ILRUN: variants seen among roughly 807,000 people sequenced by gnomAD.
ILRUN encodes the protein inflammation and lipid regulator with UBA-like and NBR1-like domains.
ILRUN carries 3 observed loss-of-function variants against 33.8 expected under a neutral mutation model. The ratio of observed to expected loss-of-function variants is 0.09; its 90% CI spans 0.04 to 0.23. The LOEUF is 0.23. Among genes scored for constraint, ILRUN ranks in the 10% least tolerant of loss-of-function variants. The pLI is 1.00. For synonymous variants in ILRUN, 124 were observed against 138.9 expected (o/e 0.89, Z 0.75); for missense variants, 210 against 375.1 (o/e 0.56, Z 3.64).
At chr6:34,630,060 C>A (rs570035044) in intron 3 of ILRUN, among the ~76,000 whole-genome samples, 1 of 152,116 alleles carries the variant, frequency 6.6e-6, no homozygotes, top group East Asian at 1.9e-4. Flanking sequence ...CATTTTGGGG[C>A]CATTATTAAG....
At chr6:34,629,209 A>T (rs183632797) in intron 3 of ILRUN, among the ~76,000 whole-genome samples, 1 of 152,320 alleles carries the variant, frequency 6.6e-6, no homozygotes, top group East Asian at 1.9e-4. Flanking sequence ...AAGTTTATTA[A>T]TTATTGATCC....
intron 3 of ILRUN, among the ~76,000 whole-genome samples, chr6:34,644,477 A>G (rs1762530328): frequency 6.6e-6 from 1 of 152,172 alleles, no homozygotes; most frequent in African/African-American, 2.4e-5. Flanking sequence ...GTGAAGAGCT[A>G]ATATAAAGGA....
At chr6:34,630,928 C>A (rs539823522) in intron 3 of ILRUN, among the ~76,000 whole-genome samples, 1 of 152,194 alleles carries the variant, frequency 6.6e-6, no homozygotes, top group Admixed American at 6.5e-5. Context: ...ACAAGCTCAT[C>A]AAAGTCATTT....
Position 34,590,543 on chromosome 6 carries a change from T to C in ILRUN, c.*22A>G, listed in dbSNP as rs1761274473. 6.2e-7 allele frequency: 1 copy of C among 1,613,920 alleles called. No homozygotes were observed. The highest frequency in any genetic ancestry group is 1.7e-5 in the Admixed American group (1 of 60,022). On this transcript the variant is annotated 3_prime_UTR_variant, in exon 5 of 5. Coordinates refer to ENST00000374023, the MANE Select transcript of ILRUN (RefSeq NM_024294.4). ...GTCAGGCCTTCTGTCTTTTGTTAATTTTTCTTCTTGCTGACACCCGTTTAA... is the reference window on the plus strand; with the variant it reads ...GTCAGGCCTTCTGTCTTTTGTTAATCTTTCTTCTTGCTGACACCCGTTTAA...
intron 1 of ILRUN, among the ~76,000 whole-genome samples, chr6:34,693,440 G>A (rs1437800971): frequency 1.4e-5 from 2 of 144,726 alleles, no homozygotes; most frequent in African/African-American, 5.2e-5. Flanking sequence ...CTGCAGCCTC[G>A]ACCTCCTGGG....
chr6:34,601,636 C>G (rs1220293242), intron 4 of ILRUN, among the ~76,000 whole-genome samples: 2 of 152,148 alleles, frequency 1.3e-5, no homozygotes, highest in African/African-American at 2.4e-5. Context: ...GATAATAGAT[C>G]CACAAGCCAT....
At chr6:34,620,216 CAAAAT>C (rs1761985373) in intron 3 of ILRUN, among the ~76,000 whole-genome samples, 1 of 152,036 alleles carries the variant, frequency 6.6e-6, no homozygotes, top group Admixed American at 6.6e-5. Flanking sequence ...TTAGGAATCA[CAAAAT>C]GTTTCACATA....
At chr6:34,647,309 T>C (rs190524498) in intron 2 of ILRUN, among the ~76,000 whole-genome samples, 13 of 152,240 alleles carry the variant, frequency 8.5e-5, no homozygotes, top group Admixed American at 2.0e-4. Flanking sequence ...GCCTGAGGTA[T>C]GACTTTTCTT....
rs898793124 is a variant in ILRUN, at chr6:34,641,519, G to A, written c.511+5082C>T. ...CCAGCGGTCATCCCAGACACACAAG[G>A]GCTGGAAAACATAAGCCAAGGAGGC... On this transcript the variant is annotated intron_variant, in intron 3 of 4. Transcript: ENST00000374023. Among the ~76,000 whole-genome samples, 17 of 152,222 alleles carry A rather than the reference G, an allele frequency of 1.1e-4. No individual in the cohort carries two copies. The East Asian group carries it at 1.2e-3, about 10-fold the overall frequency.
rs538382630 is a variant in ILRUN, at chr6:34,626,954, G to A, written c.511+19647C>T. ...TGGGAGGCAGAGGTTGCAGTGAGCC[G>A]AGATCATGCCACTGCACTCCAGCCT... On this transcript the variant is annotated intron_variant, in intron 3 of 4. Coordinates refer to ENST00000374023, the MANE Select transcript of ILRUN (RefSeq NM_024294.4). Among the ~76,000 whole-genome samples, 11 of 151,824 alleles carry A rather than the reference G, an allele frequency of 7.2e-5. No homozygotes were observed. The South Asian group carries it at 2.3e-3, about 32-fold the overall frequency.
At chr6:34,651,762 T>C (rs1433763014) in intron 2 of ILRUN, among the ~76,000 whole-genome samples, 1 of 147,370 alleles carries the variant, frequency 6.8e-6, no homozygotes, top group African/African-American at 2.5e-5. Context: ...TATATATATA[T>C]ATATCTCACT....
rs569003226 is a variant in ILRUN at position 34,630,580 on chromosome 6, C to G, written c.511+16021G>C. Among the ~76,000 whole-genome samples, 3 of 152,296 alleles carry G rather than the reference C, an allele frequency of 2.0e-5. No individual in the cohort carries two copies. The East Asian group carries it at 5.8e-4, about 29-fold the overall frequency. ...TGTATTTTTAATAGAGATGGGGTTG[C>G]ACCATGTTGGCCAGGATGGCTTCGA... On this transcript the variant is annotated intron_variant, in intron 3 of 4. Transcript: ENST00000374023.
At chr6:34,668,672 G>A (rs1426770656) in intron 1 of ILRUN, among the ~76,000 whole-genome samples, 1 of 151,992 alleles carries the variant, frequency 6.6e-6, no homozygotes, top group Non-Finnish European at 1.5e-5. Context: ...TGAGAACTCT[G>A]AAACCTTCTT....
At chr6:34,609,083 T>C (rs1318886172) in intron 3 of ILRUN, among the ~76,000 whole-genome samples, 2 of 152,146 alleles carry the variant, frequency 1.3e-5, no homozygotes, top group Non-Finnish European at 2.9e-5. Flanking sequence ...TACCTAGAAA[T>C]AGAGATAATA....
At chr6:34,624,296 C>G (rs1762069987) in intron 3 of ILRUN, among the ~76,000 whole-genome samples, 1 of 152,062 alleles carries the variant, frequency 6.6e-6, no homozygotes, top group African/African-American at 2.4e-5. Flanking sequence ...AAATTCTAGA[C>G]TACCAACTAA....
At chr6:34,608,250 T>A (rs1393228472) in intron 3 of ILRUN, among the ~76,000 whole-genome samples, 2 of 151,896 alleles carry the variant, frequency 1.3e-5, no homozygotes, top group Non-Finnish European at 2.9e-5. Context: ...AAAAACTAGC[T>A]GGGCATAGTG....
At chr6:34,620,263 A>C (rs1390177692) in intron 3 of ILRUN, among the ~76,000 whole-genome samples, 2 of 152,176 alleles carry the variant, frequency 1.3e-5, no homozygotes, top group Admixed American at 1.3e-4. Flanking sequence ...AAGGTGAGAC[A>C]CCGTAAAAAT....
At chr6:34,624,710 T>A (rs1210865393) in intron 3 of ILRUN, among the ~76,000 whole-genome samples, 1 of 152,228 alleles carries the variant, frequency 6.6e-6, no homozygotes. Context: ...CAAGGTGAGC[T>A]TTAACTTCTA....
At chr6:34,617,201 T>C (rs1761912445) in intron 3 of ILRUN, 1 of 476,540 alleles carries the variant, frequency 2.1e-6, no homozygotes, top group African/African-American at 2.0e-5. Flanking sequence ...TTGTAGAAGG[T>C]GGAGATGGTG....
Sources: gnomAD v4.1 joint callset for allele counts (sites outside exome capture counted in the v4.1 genomes callset) on GRCh38, gnomAD v4.1.1 for gene constraint, MANE v1.5 for transcripts, NCBI Gene and HGNC (gene_info 2026-07-23, HGNC 2026-07-21) for gene names.